ENOX2: variants seen among roughly 807,000 people sequenced by gnomAD.
ENOX2 encodes ecto-NOX disulfide-thiol exchanger 2.
A neutral mutation model predicts 45.0 loss-of-function variants in ENOX2; 36 were observed. The ratio of observed to expected loss-of-function variants is 0.80; its 90% CI spans 0.61 to 1.06. ENOX2 has a LOEUF of 1.06. Among genes scored for constraint, ENOX2 ranks in the 50% least tolerant of loss-of-function variants. The pLI is 0.00. For synonymous variants in ENOX2, 174 were observed against 152.3 expected (o/e 1.14, Z -1.05); for missense variants, 423 against 462.5 (o/e 0.91, Z 0.78).
At chrX:130,633,640 C>A (rs1278295029) in intron 12 of ENOX2, among the ~76,000 whole-genome samples, 1 of 112,301 alleles carries the variant, frequency 8.9e-6, no homozygotes, top group Non-Finnish European at 1.9e-5. Flanking sequence ...AAATACTTTA[C>A]AAAGCAGAAA....
intron 4 of ENOX2, among the ~76,000 whole-genome samples, chrX:130,689,633 C>T (rs984041366): frequency 8.9e-6 from 1 of 112,027 alleles, no homozygotes; most frequent in Non-Finnish European, 1.9e-5. Context: ...ATTTGGGCCT[C>T]CGCAAATTCT....
intron 4 of ENOX2, among the ~76,000 whole-genome samples, chrX:130,700,265 C>T (rs1365841066): frequency 8.9e-5 from 10 of 112,317 alleles, no homozygotes; most frequent in Admixed American, 7.5e-4. Context: ...CAAAGTATAT[C>T]TCAGCCTGAT....
chrX:130,730,304 A>G (rs1407173838), intron 3 of ENOX2, among the ~76,000 whole-genome samples: 1 of 112,566 alleles, frequency 8.9e-6, no homozygotes, highest in Non-Finnish European at 1.9e-5. Flanking sequence ...CTCCAGTTAG[A>G]ACTTCCTAAA....
In ENOX2 at chrX:130,758,349, T is replaced by C. The variant is rs188390575; in HGVS notation, c.-39+25198A>G. ...TTCTATAATTTTGTCATTTCAAGAATGTTATATAAATGGAATCATACAGCA... is the reference window on the plus strand; with the variant it reads ...TTCTATAATTTTGTCATTTCAAGAACGTTATATAAATGGAATCATACAGCA... On this transcript the variant is annotated intron_variant, in intron 3 of 14. Transcript: ENST00000394363. Among the ~76,000 whole-genome samples the C allele has an allele frequency of 7.0e-4, 79 of 112,415 alleles. 1 individual carries two copies. Among genetic ancestry groups the C allele is most frequent in the African/African-American group, 2.5e-3 (78 of 30,993 alleles).
chrX:130,862,701 G>A (rs749355984), intron 2 of ENOX2, among the ~76,000 whole-genome samples: 18 of 111,303 alleles, frequency 1.6e-4, no homozygotes, highest in Admixed American at 1.1e-3. Context: ...AACTTACTTA[G>A]CACATAGTAG....
At chrX:130,758,407 A>C (rs2148347438) in intron 3 of ENOX2, among the ~76,000 whole-genome samples, 1 of 112,521 alleles carries the variant, frequency 8.9e-6, no homozygotes, top group African/African-American at 3.2e-5. Flanking sequence ...TTCACTCAGC[A>C]TAATTCTCTG....
intron 3 of ENOX2, among the ~76,000 whole-genome samples, chrX:130,706,909 C>T (rs772096151): frequency 3.6e-5 from 4 of 112,009 alleles, no homozygotes; most frequent in East Asian, 2.8e-4. Context: ...TTTCCCATAT[C>T]GGCATAATCA....
chrX:130,784,134 T>C (rs1369376097), intron 2 of ENOX2, among the ~76,000 whole-genome samples: 1 of 111,543 alleles, frequency 9.0e-6, no homozygotes, highest in Non-Finnish European at 1.9e-5. Context: ...CTTCCAATAG[T>C]AATATAGGGG....
chrX:130,725,479 T>C (rs2038583148), intron 3 of ENOX2, among the ~76,000 whole-genome samples: 1 of 109,145 alleles, frequency 9.2e-6, no homozygotes, highest in Non-Finnish European at 1.9e-5. Flanking sequence ...TTAACAATCA[T>C]TTTTTTATTC....
chrX:130,689,020 T>TAAAAAAGGAG lies in ENOX2; in HGVS notation c.98-12_98-3dup, dbSNP rs747561367. 14 of 1,199,874 alleles carry TAAAAAAGGAG rather than the reference T, an allele frequency of 1.2e-5. No individual in the cohort carries two copies. The highest frequency in any genetic ancestry group is 1.4e-5 in the Non-Finnish European group (12 of 887,595). On this transcript the variant is annotated splice_polypyrimidine_tract_variant and splice_region_variant and intron_variant, in intron 4 of 14. Transcript: ENST00000394363. Reference sequence around the variant, plus strand: ...TCATTCCAAGAGCAGGATCAAAGTCTAAAAAAGGAGAAGAGAGAACAATAA... The same window carrying TAAAAAAGGAG: ...TCATTCCAAGAGCAGGATCAAAGTCTAAAAAAGGAGAAAAAAGGAGAAGAGAGAACAATAA...
At chrX:130,828,215 T>C (rs2077755972) in intron 2 of ENOX2, among the ~76,000 whole-genome samples, 1 of 111,972 alleles carries the variant, frequency 8.9e-6, no homozygotes. Context: ...CTAATCTGCT[T>C]TGTGGTCTCT....
Position 130,665,338 on chromosome X carries a change from T to C in ENOX2, c.1014+305A>G, listed in dbSNP as rs144056995. ...CACTAGAAGCGCAGGTCAGTAATTA[T>C]TGTTGTACCCAAGACTAGCTCGCTA... On this transcript the variant is annotated intron_variant, in intron 9 of 14. Coordinates refer to ENST00000394363, the MANE Select transcript of ENOX2 (RefSeq NM_006375.4). Among the ~76,000 whole-genome samples the C allele has an allele frequency of 1.0e-3, 112 of 112,326 alleles. 1 individual carries two copies. In the East Asian group the frequency reaches 0.015, roughly 15 times the overall value.
chrX:130,709,570 G>A (rs1348399073), intron 3 of ENOX2, among the ~76,000 whole-genome samples: 1 of 100,385 alleles, frequency 1.0e-5, no homozygotes, highest in Non-Finnish European at 2.0e-5. Flanking sequence ...ACCCAGGGAT[G>A]GAAGTTGCAG....
intron 2 of ENOX2, among the ~76,000 whole-genome samples, chrX:130,818,643 T>C (rs1042182972): frequency 1.8e-5 from 2 of 111,662 alleles, no homozygotes; most frequent in African/African-American, 6.5e-5. Context: ...AAACAAGCAA[T>C]GGGGAAAGGA....
intron 2 of ENOX2, among the ~76,000 whole-genome samples, chrX:130,787,607 G>A (rs1253900570): frequency 9.0e-6 from 1 of 111,447 alleles, no homozygotes; most frequent in Non-Finnish European, 1.9e-5. Context: ...AATCTAATGA[G>A]TTAAAGGTGT....
chrX:130,663,531 CAAAA>C (rs771813859), intron 9 of ENOX2, among the ~76,000 whole-genome samples: 1 of 43,056 alleles, frequency 2.3e-5, no homozygotes, highest in Admixed American at 3.3e-4. Flanking sequence ...ACTCCGTCTC[CAAAA>C]AAAAAAAAAA....
At chrX:130,732,870 A>C (rs1230996152) in intron 3 of ENOX2, among the ~76,000 whole-genome samples, 1 of 112,110 alleles carries the variant, frequency 8.9e-6, no homozygotes, top group Non-Finnish European at 1.9e-5. Flanking sequence ...ATACACAAAA[A>C]TCAACTAAAA....
At chrX:130,765,568 T>C (rs1164117836) in intron 3 of ENOX2, among the ~76,000 whole-genome samples, 2 of 111,760 alleles carry the variant, frequency 1.8e-5, no homozygotes, top group Non-Finnish European at 3.8e-5. Flanking sequence ...TTCTGAATGC[T>C]GTATAATATG....
At chrX:130,776,323 C>A (rs746625457) in intron 3 of ENOX2, among the ~76,000 whole-genome samples, 2 of 111,567 alleles carry the variant, frequency 1.8e-5, no homozygotes, top group South Asian at 3.8e-4. Flanking sequence ...GGTATTTGTT[C>A]CTGCCCAAAT....
Sources: gnomAD v4.1 joint callset for allele counts (sites outside exome capture counted in the v4.1 genomes callset) on GRCh38, gnomAD v4.1.1 for gene constraint, MANE v1.5 for transcripts, NCBI Gene and HGNC (gene_info 2026-07-23, HGNC 2026-07-21) for gene names.